Variants in MARCHF6 observed in about 807,000 individuals in gnomAD.
The protein encoded by MARCHF6 is membrane associated ring-CH-type finger 6.
Under a neutral mutation model 133.7 loss-of-function variants are expected in MARCHF6, and 31 were observed. That is an observed-to-expected ratio of 0.23 (90% CI 0.17 to 0.31). The LOEUF (loss-of-function observed/expected upper bound fraction) is 0.31, where lower values mean the gene tolerates loss of function less well. MARCHF6 is among the 10% of genes least tolerant of loss of function. The pLI is 1.00. For missense variants in MARCHF6, 723 were observed against 1,121.6 expected, an observed-to-expected ratio of 0.64 and a Z score of 5.08; for synonymous variants, 395 against 402.5, an observed-to-expected ratio of 0.98 and a Z score of 0.22.
intron 22 of MARCHF6, among the ~76,000 whole-genome samples, chr5:10,418,865 G>T (rs964620248): frequency 2.6e-5 from 4 of 152,226 alleles, no homozygotes; most frequent in African/African-American, 9.6e-5. Flanking sequence ...ATTAGGGGAA[G>T]CACAAGGAAC....
rs142129592 is a variant in MARCHF6 at position 10,436,042 on chromosome 5, TTTTTGTTTTG to T, written c.*2373_*2382del. ...CAACTTGATTATATTAATTTTGGGT[TTTTTGTTTTG>T]TTTTGTTTTGTTTTTTAATTTTTCA... On this transcript the variant is annotated 3_prime_UTR_variant, in exon 26 of 26. Coordinates refer to ENST00000274140, the MANE Select transcript of MARCHF6 (RefSeq NM_005885.4). The T allele has an allele frequency of 5.3e-5, 8 of 151,976 alleles. No homozygotes were observed. The highest frequency in any genetic ancestry group is 8.8e-5 in the Non-Finnish European group (6 of 68,296). The allele number at this position is 151,976 out of a possible 1,614,324, so 9.4% of individuals were successfully genotyped here. A position where few individuals can be genotyped will look rare whatever the true frequency, so the allele number is the denominator to read the frequency against.
At position 10,433,818 on chromosome 5, in the gene MARCHF6, CAG is replaced by C; in HGVS notation, c.*139_*140del. 1 of 705,168 alleles carries C rather than the reference CAG, an allele frequency of 1.4e-6. No individual in the cohort carries two copies. Among genetic ancestry groups the C allele is most frequent in the Non-Finnish European group, 2.5e-6 (1 of 402,368 alleles). The allele number at this position is 705,168 out of a possible 1,614,324, so 43.7% of individuals were successfully genotyped here. On this transcript the variant is annotated 3_prime_UTR_variant, in exon 26 of 26. Transcript: ENST00000274140. ...GTATTTGACTTGTGTTCTCAGCATT[CAG>C]AGAGCAGCGGTGTAAGATTCTGCTG... is the stretch of plus-strand genomic sequence containing the variant.
chr5:10,427,347 A>C (rs1475362808), intron 24 of MARCHF6, among the ~76,000 whole-genome samples: 2 of 152,184 alleles, frequency 1.3e-5, no homozygotes, highest in Non-Finnish European at 2.9e-5. Flanking sequence ...AATGAATCTC[A>C]TTGTACCTCT....
At chr5:10,384,100 T>C (rs1401440704) in intron 4 of MARCHF6, among the ~76,000 whole-genome samples, 1 of 151,994 alleles carries the variant, frequency 6.6e-6, no homozygotes, top group Non-Finnish European at 1.5e-5. Context: ...CAGATGGCCG[T>C]ACAGAAAAAA....
chr5:10,369,256 G>A (rs1432881569), intron 1 of MARCHF6, among the ~76,000 whole-genome samples: 1 of 152,216 alleles, frequency 6.6e-6, no homozygotes, highest in Non-Finnish European at 1.5e-5. Flanking sequence ...AAAGTGGAAA[G>A]TGAGAAATAT....
intron 22 of MARCHF6, among the ~76,000 whole-genome samples, chr5:10,418,124 A>G (rs376573882): frequency 3.3e-5 from 5 of 152,180 alleles, no homozygotes; most frequent in Middle Eastern, 3.2e-3. Context: ...TATGCCTGCA[A>G]TCACAGCACT....
At chr5:10,383,857 G>A (rs1026091707) in intron 4 of MARCHF6, among the ~76,000 whole-genome samples, 2 of 152,098 alleles carry the variant, frequency 1.3e-5, no homozygotes, top group African/African-American at 2.4e-5. Flanking sequence ...AAATTGTGAC[G>A]GGAAGATAGA....
chr5:10,398,835 C>A (rs1738345095), intron 10 of MARCHF6, among the ~76,000 whole-genome samples: 1 of 152,098 alleles, frequency 6.6e-6, no homozygotes. Flanking sequence ...CTTTTGGAAT[C>A]TTTTGAAATG....
rs889214209 is a variant in MARCHF6, at chr5:10,377,838, A to G, written c.60A>G (p.Lys20=). 6.2e-7 allele frequency: 1 copy of G among 1,613,654 alleles called. No homozygotes were observed. Among genetic ancestry groups the G allele is most frequent in the Non-Finnish European group, 8.5e-7 (1 of 1,179,654 alleles). Residue 20 remains lysine, a synonymous_variant, in exon 2 of 26, where the codon AAA becomes AAG. Coordinates refer to ENST00000274140, the MANE Select transcript of MARCHF6 (RefSeq NM_005885.4). ...GTCGGTCAGAAGGAACACCTGAGAA[A>G]CCGCTTTATCATCCTTGTGTATGTA... ...RVCRSEGTPE[K]PLYHPCVCTG...
chr5:10,418,594 T>C (rs1739660111), intron 22 of MARCHF6, among the ~76,000 whole-genome samples: 1 of 152,222 alleles, frequency 6.6e-6, no homozygotes, highest in Admixed American at 6.5e-5. Flanking sequence ...TTTAGCTTTG[T>C]TTTTATCTGT....
intron 21 of MARCHF6, 28 bp downstream of exon 21, chr5:10,415,697 T>C: frequency 6.5e-7 from 1 of 1,549,350 alleles, no homozygotes; most frequent in Non-Finnish European, 8.8e-7. Flanking sequence ...AAGACTGATC[T>C]TGTATGTTAG....
chr5:10,365,377 C>G (rs966024100), intron 1 of MARCHF6, among the ~76,000 whole-genome samples: 2 of 151,352 alleles, frequency 1.3e-5, no homozygotes, highest in African/African-American at 4.9e-5. Context: ...CTTGGCTCAC[C>G]GCAACCTCCG....
rs191018023 is a variant in MARCHF6 at position 10,409,842 on chromosome 5, T to C, written c.1554-297T>C. On this transcript the variant is annotated intron_variant, in intron 17 of 25. Coordinates refer to ENST00000274140, the MANE Select transcript of MARCHF6 (RefSeq NM_005885.4). ...CAGTCAAAAGGATTCTCTAGCTGTTTGGATGTGAGGTGTCAAAGGAAGGAG... is the reference window on the plus strand; with the variant it reads ...CAGTCAAAAGGATTCTCTAGCTGTTCGGATGTGAGGTGTCAAAGGAAGGAG... 7.9e-5 allele frequency among the ~76,000 whole-genome samples: 12 copies of C among 152,266 alleles called. 1 individual carries two copies. Among genetic ancestry groups the C allele is most frequent in the Admixed American group, 7.8e-4 (12 of 15,296 alleles).
rs1289370857 is a variant in MARCHF6 at position 10,438,539 on chromosome 5, A to G, written c.*4855A>G. On this transcript the variant is annotated 3_prime_UTR_variant, in exon 26 of 26. Coordinates refer to ENST00000274140, the MANE Select transcript of MARCHF6 (RefSeq NM_005885.4). ...CCCTTCCGCTCCACAGTTCATAGCT[A>G]CTCTTGTTGCAAACATGTAGTGATA... 6.6e-6 allele frequency: 1 copy of G among 152,080 alleles called. No individual in the cohort carries two copies. The highest frequency in any genetic ancestry group is 1.5e-5 in the Non-Finnish European group (1 of 68,010). 9.4% of individuals were successfully genotyped at this position (152,080 alleles called of 1,614,324 possible).
chr5:10,360,357 T>C (rs1164852801), intron 1 of MARCHF6, among the ~76,000 whole-genome samples: 4 of 151,898 alleles, frequency 2.6e-5, no homozygotes, highest in African/African-American at 9.7e-5. Context: ...TCATATTGGC[T>C]TGAACTCCTG....
intron 5 of MARCHF6, among the ~76,000 whole-genome samples, chr5:10,389,129 C>G (rs1048221794): frequency 1.1e-4 from 16 of 152,078 alleles, no homozygotes; most frequent in Non-Finnish European, 1.3e-4. Flanking sequence ...AAAAGTGATT[C>G]CATTAAAATA....
chr5:10,390,297 T>C lies in MARCHF6; in HGVS notation c.408-35T>C, dbSNP rs376993005. ...TTTGTTTTCCTAATTTTAAGTCTTC[T>C]TTGGAGTAATTATATGTACTTTTTT... On this transcript the variant is annotated intron_variant, in intron 5 of 25. Transcript: ENST00000274140. The C allele has an allele frequency of 2.5e-6, 4 of 1,580,748 alleles. No individual in the cohort carries two copies. In the African/African-American group the frequency reaches 5.5e-5, roughly 22 times the overall value.
chr5:10,391,504 A>G (rs773566604), intron 6 of MARCHF6, 38 bp from the exon 7 acceptor site: 1 of 1,210,658 alleles, frequency 8.3e-7, no homozygotes, highest in South Asian at 1.2e-5. Context: ...CAAAACAGAC[A>G]AGTGGATCTA....
At chr5:10,361,343 G>T (rs1735809082) in intron 1 of MARCHF6, among the ~76,000 whole-genome samples, 1 of 152,168 alleles carries the variant, frequency 6.6e-6, no homozygotes, top group Non-Finnish European at 1.5e-5. Flanking sequence ...GTGCTTAAGA[G>T]AAATTTGTTT....
Sources: gnomAD v4.1 joint callset for allele counts (sites outside exome capture counted in the v4.1 genomes callset) on GRCh38, gnomAD v4.1.1 for gene constraint, MANE v1.5 for transcripts, NCBI Gene and HGNC (gene_info 2026-07-23, HGNC 2026-07-21) for gene names.